NRIP1: variants seen among roughly 807,000 people sequenced by gnomAD.
The protein encoded by NRIP1 is nuclear receptor-interacting protein 1.
Under a neutral mutation model 75.0 loss-of-function variants are expected in NRIP1, and 28 were observed. The ratio of observed to expected loss-of-function variants is 0.37; its 90% CI spans 0.28 to 0.51. The LOEUF is 0.51. Ranked by LOEUF, NRIP1 falls within the 20% of genes least tolerant of loss-of-function variation. NRIP1 has a pLI of 0.92. For missense variants in NRIP1, 1,435 were observed against 1,343.7 expected (o/e 1.07, Z -1.06); for synonymous variants, 526 against 487.6 (o/e 1.08, Z -1.04).
chr21:15,017,612 T>C (rs1320530137), intron 2 of NRIP1, among the ~76,000 whole-genome samples: 1 of 152,138 alleles, frequency 6.6e-6, no homozygotes, highest in Non-Finnish European at 1.5e-5. Flanking sequence ...TTACCCCAAA[T>C]CACAAAGTCA....
At chr21:15,049,634 C>A (rs1184355756) in intron 1 of NRIP1, among the ~76,000 whole-genome samples, 8 of 151,950 alleles carry the variant, frequency 5.3e-5, no homozygotes, top group African/African-American at 7.3e-5. Context: ...AGGTTTAATA[C>A]AACATCACCA....
At chr21:14,982,700 T>G (rs1199613594) in intron 3 of NRIP1, among the ~76,000 whole-genome samples, 2 of 123,886 alleles carry the variant, frequency 1.6e-5, no homozygotes, top group Admixed American at 7.9e-5. Flanking sequence ...ATTGTGGGGT[T>G]TTTTTTTGTT....
intron 3 of NRIP1, among the ~76,000 whole-genome samples, chr21:15,013,274 A>T (rs146992750): frequency 3.0e-4 from 46 of 152,358 alleles, no homozygotes; most frequent in African/African-American, 1.0e-3. Context: ...ATGAAATTAC[A>T]AGAAAAGCTA....
chr21:15,033,920 T>A (rs1324668421), intron 2 of NRIP1, among the ~76,000 whole-genome samples: 3 of 152,198 alleles, frequency 2.0e-5, no homozygotes, highest in Non-Finnish European at 4.4e-5. Flanking sequence ...ATTAACCATC[T>A]GTTTACAAAT....
intron 3 of NRIP1, among the ~76,000 whole-genome samples, chr21:14,977,615 G>GA (rs1169879022): frequency 6.6e-6 from 1 of 151,732 alleles, no homozygotes; most frequent in African/African-American, 2.4e-5. Context: ...AGGAATAAAA[G>GA]AAACATTCAA....
At chr21:14,974,734 T>C (rs1020820201) in intron 3 of NRIP1, among the ~76,000 whole-genome samples, 7 of 152,220 alleles carry the variant, frequency 4.6e-5, no homozygotes, top group Admixed American at 2.0e-4. Flanking sequence ...TAACTAACTG[T>C]ATGAAAATAC....
At chr21:15,063,680 T>C (rs980894351) in intron 1 of NRIP1, among the ~76,000 whole-genome samples, 1 of 152,202 alleles carries the variant, frequency 6.6e-6, no homozygotes. Context: ...CATGTAATCA[T>C]TTACAATACC....
At chr21:14,999,541 G>A (rs1600852879) in intron 3 of NRIP1, among the ~76,000 whole-genome samples, 1 of 107,462 alleles carries the variant, frequency 9.3e-6, no homozygotes, top group South Asian at 2.5e-4. Flanking sequence ...GTTGATACCA[G>A]GTTAAAAAAA....
chr21:15,031,056 ATTCCCTTTCT>A (rs2088664906), intron 2 of NRIP1, among the ~76,000 whole-genome samples: 1 of 41,660 alleles, frequency 2.4e-5, no homozygotes, highest in Non-Finnish European at 4.6e-5. Context: ...GGTTCACTAC[ATTCCCTTTCT>A]ATGTGTGTAC....
chr21:14,967,882 G>T lies in NRIP1; in HGVS notation c.311C>A (p.Ser104Tyr). ...NAAKRKRLSDSIMNLNVKKEA... is the reference protein window; with the variant it reads ...NAAKRKRLSDYIMNLNVKKEA... ...CTTCTTTACGTTTAAATTCATGATA[G>T]AATCAGACAGCCTCTTCCGCTTTGC... Residue 104 changes from serine to tyrosine, a missense_variant, in exon 4 of 4, where the codon TCT becomes TAT. Ser to Tyr is a moderately radical substitution (Grantham distance 144). Transcript: ENST00000318948. 6.2e-7 allele frequency: 1 copy of T among 1,614,072 alleles called. No homozygotes were observed. Among genetic ancestry groups the T allele is most frequent in the Non-Finnish European group, 8.5e-7 (1 of 1,180,030 alleles).
intron 2 of NRIP1, among the ~76,000 whole-genome samples, chr21:15,024,174 C>T (rs951847102): frequency 7.9e-5 from 12 of 152,082 alleles, no homozygotes; most frequent in African/African-American, 2.9e-4. Context: ...AATTCAAATG[C>T]ATTAAAATTG....
At chr21:15,045,764 T>C (rs1274517793) in intron 1 of NRIP1, among the ~76,000 whole-genome samples, 3 of 152,248 alleles carry the variant, frequency 2.0e-5, no homozygotes, top group African/African-American at 7.2e-5. Flanking sequence ...ACCCTGCCAC[T>C]GTTTTATCAA....
In NRIP1 at chr21:14,965,181, A is replaced by C. The variant is rs1434284713; in HGVS notation, c.3012T>G (p.Gly1004=). The stretch of plus-strand genomic sequence containing the variant: ...TAGGACTCACAGGAGTTTTTACTAC[A>C]CCTGGGTATGAAAATGTCCTGTTAT... ...CMDNRTFSYP[G]VVKTPVSPTF... The change falls in exon 4 of 4, where the codon GGT becomes GGG. Residue 1004 remains glycine (G), a synonymous_variant. Transcript: ENST00000318948. 3 of 1,613,446 alleles carry C rather than the reference A, an allele frequency of 1.9e-6. No homozygotes were observed. Among genetic ancestry groups the C allele is most frequent in the Non-Finnish European group, 2.5e-6 (3 of 1,179,928 alleles).
chr21:15,026,688 A>G (rs1393578550), intron 2 of NRIP1, among the ~76,000 whole-genome samples: 1 of 152,182 alleles, frequency 6.6e-6, no homozygotes, highest in African/African-American at 2.4e-5. Flanking sequence ...AAACAAAACA[A>G]TAACAAACAA....
chr21:15,030,137 A>G (rs932151101), intron 2 of NRIP1, among the ~76,000 whole-genome samples: 20 of 152,244 alleles, frequency 1.3e-4, no homozygotes, highest in African/African-American at 4.8e-4. Context: ...GAAAATAGCC[A>G]TCTTTCAACC....
At chr21:15,053,231 T>C (rs2089239459) in intron 1 of NRIP1, among the ~76,000 whole-genome samples, 1 of 152,018 alleles carries the variant, frequency 6.6e-6, no homozygotes, top group African/African-American at 2.4e-5. Context: ...AGAACGAGAG[T>C]TTAAAATTCA....
rs760121314 is a variant in NRIP1 at position 14,967,800 on chromosome 21, T to C, written c.393A>G (p.Thr131=). 1.2e-6 allele frequency: 2 copies of C among 1,614,060 alleles called. No homozygotes were observed. The highest frequency in any genetic ancestry group is 4.5e-5 in the East Asian group (2 of 44,878). Residue 131 remains threonine (T), a synonymous_variant, in exon 4 of 4, where the codon ACA becomes ACG. Transcript: ENST00000318948. Reference sequence around the variant, plus strand: ...ATGACTGAAGCAAAGAGGCCAGTAATGTGCTATCCTGTTTGCCTTTAGGCA... The same window carrying C: ...ATGACTGAAGCAAAGAGGCCAGTAACGTGCTATCCTGTTTGCCTTTAGGCA... ...DSVPKGKQDS[T]LLASLLQSFS... is the part of the protein sequence containing the mutation.
chr21:14,964,901 T>G lies in NRIP1; in HGVS notation c.3292A>C (p.Ser1098Arg). The change falls in exon 4 of 4, where the codon AGT (serine) becomes CGT (arginine). Residue 1098 changes from serine (S) to arginine (R), a missense_variant. Ser to Arg is a moderately radical substitution (Grantham distance 110). Coordinates refer to ENST00000318948, the MANE Select transcript of NRIP1 (RefSeq NM_003489.4). Reference protein sequence around the residue: ...DIWREASSAESVSQVTAKEEL... With the variant: ...DIWREASSAERVSQVTAKEEL... ...TCTTTGGCTGTGACCTGTGAGACAC[T>G]TTCAGCAGATGAAGCCTCCCTCCAA... The G allele has an allele frequency of 3.7e-6, 6 of 1,613,342 alleles. No homozygotes were observed. The highest frequency in any genetic ancestry group is 5.1e-6 in the Non-Finnish European group (6 of 1,179,644).
chr21:15,018,880 G>A (rs2088299782), intron 2 of NRIP1, among the ~76,000 whole-genome samples: 1 of 152,030 alleles, frequency 6.6e-6, no homozygotes, highest in African/African-American at 2.4e-5. Flanking sequence ...GAAGTGGTGA[G>A]CGCAAACATT....
Sources: gnomAD v4.1 joint callset for allele counts (sites outside exome capture counted in the v4.1 genomes callset) on GRCh38, gnomAD v4.1.1 for gene constraint, MANE v1.5 for transcripts, NCBI Gene and HGNC (gene_info 2026-07-23, HGNC 2026-07-21) for gene names.